EXOC6B: variants seen among roughly 807,000 people sequenced by gnomAD.
EXOC6B encodes the protein exocyst complex component 6B, also known as SEC15 homolog B.
In EXOC6B, 54 loss-of-function variants were observed where a neutral mutation model predicts 113.5. That is an observed-to-expected ratio of 0.48 (90% confidence interval 0.38 to 0.60). The LOEUF is 0.60. EXOC6B is among the 20% of genes least tolerant of loss of function. EXOC6B has a pLI of 0.00. For missense variants in EXOC6B, 797 were observed against 977.5 expected, an observed-to-expected ratio of 0.82 and a Z score of 2.46; for synonymous variants, 357 against 339.0, an observed-to-expected ratio of 1.05 and a Z score of -0.58.
chr2:72,708,319 C>A (rs909337401), intron 6 of EXOC6B, among the ~76,000 whole-genome samples: 4 of 152,072 alleles, frequency 2.6e-5, no homozygotes, highest in African/African-American at 9.7e-5. Context: ...ACTCATAAAC[C>A]TTCATATATT....
chr2:72,322,992 GATCTAA>G (rs1486972436), intron 20 of EXOC6B, among the ~76,000 whole-genome samples: 2 of 152,088 alleles, frequency 1.3e-5, no homozygotes, highest in Non-Finnish European at 2.9e-5. Flanking sequence ...TGATACATGG[GATCTAA>G]TTAAACTAAA....
intron 8 of EXOC6B, among the ~76,000 whole-genome samples, chr2:72,518,975 G>A (rs2105704927): frequency 6.6e-6 from 1 of 152,264 alleles, no homozygotes; most frequent in East Asian, 1.9e-4. Flanking sequence ...TCTAACCTGG[G>A]TAACTGGTTT....
intron 20 of EXOC6B, among the ~76,000 whole-genome samples, chr2:72,292,289 T>C (rs918313207): frequency 1.3e-5 from 2 of 151,212 alleles, no homozygotes; most frequent in Non-Finnish European, 2.9e-5. Flanking sequence ...TCCATAAAAT[T>C]GAGTAGCTGT....
intron 18 of EXOC6B, among the ~76,000 whole-genome samples, chr2:72,400,417 T>C (rs1693057827): frequency 6.6e-6 from 1 of 151,204 alleles, no homozygotes; most frequent in African/African-American, 2.4e-5. Context: ...AGAACAAAAA[T>C]GAAAATAGAG....
At chr2:72,194,202 C>G (rs1679018753) in intron 20 of EXOC6B, among the ~76,000 whole-genome samples, 1 of 152,128 alleles carries the variant, frequency 6.6e-6, no homozygotes, top group African/African-American at 2.4e-5. Flanking sequence ...AATTCATTAT[C>G]TTAACAACTG....
At chr2:72,300,328 T>C (rs1686431735) in intron 20 of EXOC6B, among the ~76,000 whole-genome samples, 1 of 152,160 alleles carries the variant, frequency 6.6e-6, no homozygotes, top group African/African-American at 2.4e-5. Context: ...ACTGTGAGGA[T>C]AAAACCGCCT....
intron 18 of EXOC6B, among the ~76,000 whole-genome samples, chr2:72,440,939 G>A (rs899652950): frequency 6.6e-6 from 1 of 151,996 alleles, no homozygotes; most frequent in Non-Finnish European, 1.5e-5. Context: ...AGACAAAGAT[G>A]GGCATTACAC....
intron 6 of EXOC6B, among the ~76,000 whole-genome samples, chr2:72,645,196 C>T (rs1050467929): frequency 6.6e-6 from 1 of 152,080 alleles, no homozygotes; most frequent in Non-Finnish European, 1.5e-5. Context: ...ACAAAGAAGG[C>T]CATTACCTAA....
At chr2:72,616,691 C>A (rs1280171227) in intron 6 of EXOC6B, among the ~76,000 whole-genome samples, 1 of 152,138 alleles carries the variant, frequency 6.6e-6, no homozygotes. Context: ...ATTCAATTAT[C>A]CCCCACCGAG....
At chr2:72,273,213 T>G (rs924646021) in intron 20 of EXOC6B, among the ~76,000 whole-genome samples, 2 of 152,190 alleles carry the variant, frequency 1.3e-5, no homozygotes, top group Admixed American at 6.6e-5. Flanking sequence ...CATATATCAA[T>G]GTAAAATACT....
intron 1 of EXOC6B, among the ~76,000 whole-genome samples, chr2:72,786,805 AC>A (rs749672941): frequency 6.6e-4 from 101 of 152,310 alleles, no homozygotes; most frequent in Non-Finnish European, 1.4e-3. Context: ...CACATAGTAG[AC>A]CATCTTAAGT....
chr2:72,462,793 T>C (rs1001968299), intron 18 of EXOC6B: 1 of 152,136 alleles, frequency 6.6e-6, no homozygotes, highest in African/African-American at 2.4e-5. Flanking sequence ...TAATGTAATT[T>C]ATTCTTTTTT....
chr2:72,189,893 C>T (rs1172916049), intron 20 of EXOC6B, among the ~76,000 whole-genome samples: 9 of 103,550 alleles, frequency 8.7e-5, no homozygotes, highest in African/African-American at 1.5e-4. Flanking sequence ...GGCAGAGTCT[C>T]GCTCTGTCAT....
chr2:72,370,821 T>C (rs1398258383), intron 19 of EXOC6B, among the ~76,000 whole-genome samples: 1 of 148,378 alleles, frequency 6.7e-6, no homozygotes, highest in South Asian at 2.1e-4. Flanking sequence ...GTGAGAACAC[T>C]TGGACACAAG....
At chr2:72,560,284 T>C (rs1703820163) in intron 7 of EXOC6B, among the ~76,000 whole-genome samples, 2 of 150,082 alleles carry the variant, frequency 1.3e-5, no homozygotes, top group African/African-American at 5.0e-5. Flanking sequence ...GAAAAAAAAA[T>C]CAGCTGATTT....
intron 6 of EXOC6B, among the ~76,000 whole-genome samples, chr2:72,609,688 AT>A (rs1051696995): frequency 1.3e-5 from 2 of 152,074 alleles, no homozygotes; most frequent in African/African-American, 4.8e-5. Flanking sequence ...GTAGAAAAAA[AT>A]ATTTGAGGAG....
At chr2:72,668,638 C>G (rs1675564749) in intron 6 of EXOC6B, among the ~76,000 whole-genome samples, 1 of 152,120 alleles carries the variant, frequency 6.6e-6, no homozygotes, top group African/African-American at 2.4e-5. Flanking sequence ...CAGCTAAAAG[C>G]CATTATCCTA....
rs1413670883 is a variant in EXOC6B at position 72,468,400 on chromosome 2, A to G, written c.1801-3061T>C. On this transcript the variant is annotated intron_variant, in intron 17 of 21. Transcript: ENST00000272427. ...TTTTCTCAACACCACTTATTTTTTC[A>G]GAGACTATCCTTTCCCCTTTTGTGT... Among the ~76,000 whole-genome samples the G allele has an allele frequency of 2.6e-5, 4 of 152,160 alleles. No individual in the cohort carries two copies. The South Asian group carries it at 6.2e-4, about 24-fold the overall frequency.
At chr2:72,303,557 T>C (rs1475747428) in intron 20 of EXOC6B, among the ~76,000 whole-genome samples, 3 of 152,192 alleles carry the variant, frequency 2.0e-5, no homozygotes, top group Non-Finnish European at 4.4e-5. Context: ...ATTTTTTATA[T>C]AGGCTATTTT....
Sources: gnomAD v4.1 joint callset for allele counts (sites outside exome capture counted in the v4.1 genomes callset) on GRCh38, gnomAD v4.1.1 for gene constraint, MANE v1.5 for transcripts, NCBI Gene and HGNC (gene_info 2026-07-23, HGNC 2026-07-21) for gene names.